Variants in DRD5 observed in about 807,000 individuals in gnomAD.
The protein encoded by DRD5 is D(1B) dopamine receptor.
For missense variants in DRD5, 758 were observed against 657.8 expected, an observed-to-expected ratio of 1.15 and a Z score of -1.67; for synonymous variants, 327 against 277.1, an observed-to-expected ratio of 1.18 and a Z score of -1.79.
In DRD5 at chr4:9,782,826, C is replaced by T; in HGVS notation, c.797C>T (p.Ala266Val). The T allele has an allele frequency of 6.2e-7, 1 of 1,613,380 alleles. No homozygotes were observed. The change falls in exon 1 of 1, where the codon GCA (alanine) becomes GTA (valine). Residue 266 changes from alanine to valine, a missense_variant. By Grantham distance (64) the Ala-to-Val change is moderately conservative. Transcript: ENST00000304374. ...IRRISSLERA[A>V]EHAQSCRSSA... ...AGGATTTCCTCCCTGGAGAGGGCCG[C>T]AGAGCACGCGCAGAGCTGCCGGAGC...
Position 9,783,331 on chromosome 4 carries a change from C to T in DRD5, c.1302C>T (p.Phe434=), listed in dbSNP as rs750699062. 2.5e-6 allele frequency: 4 copies of T among 1,614,228 alleles called. No individual in the cohort carries two copies. The highest frequency in any genetic ancestry group is 2.5e-6 in the Non-Finnish European group (3 of 1,180,048). The change falls in exon 1 of 1, where the codon TTC becomes TTT. Residue 434 remains phenylalanine, a synonymous_variant. Transcript: ENST00000304374. ...ACAACGACGAGGAGGAGGGTCCTTT[C>T]GATCGCATGTTCCAGATCTATCAGA... is the stretch of plus-strand genomic sequence containing the variant. The part of the protein sequence containing the change: ...EVDNDEEEGP[F]DRMFQIYQTS...
In DRD5 at chr4:9,781,877, C is replaced by T. The variant is rs1011465129; in HGVS notation, c.-153C>T. On this transcript the variant is annotated 5_prime_UTR_variant, in exon 1 of 1. Coordinates refer to ENST00000304374, the MANE Select transcript of DRD5 (RefSeq NM_000798.5). The stretch of plus-strand genomic sequence containing the variant: ...AGGCAAGAGAAGTCCCCGCGCGCTC[C>T]GCAGCCCGGCGCAGCTCATGGTGAG... 1 of 627,120 alleles carries T rather than the reference C, an allele frequency of 1.6e-6. No individual in the cohort carries two copies. The highest frequency in any genetic ancestry group is 3.7e-5 in the Admixed American group (1 of 26,768). The allele number at this position is 627,120 out of a possible 1,614,324, so 38.8% of individuals were successfully genotyped here.
rs781347408 is a variant in DRD5, at chr4:9,782,866, G to T, written c.837G>T (p.Ala279=). The change falls in exon 1 of 1, where the codon GCG becomes GCT. Residue 279 remains alanine, a synonymous_variant. Transcript: ENST00000304374. ...GCTGCCGGAGCAGCGCAGCCTGCGC[G>T]CCCGACACCAGCCTGCGCGCTTCCA... ...AQSCRSSAAC[A]PDTSLRASIK... 4 of 1,608,160 alleles carry T rather than the reference G, an allele frequency of 2.5e-6. No homozygotes were observed. The Admixed American group carries it at 6.7e-5, about 27-fold the overall frequency.
In DRD5 at chr4:9,782,835, C is replaced by A. The variant is rs538877978; in HGVS notation, c.806C>A (p.Ala269Glu). ...ISSLERAAEH[A>E]QSCRSSAACA... ...TCCCTGGAGAGGGCCGCAGAGCACG[C>A]GCAGAGCTGCCGGAGCAGCGCAGCC... Residue 269 changes from alanine (A) to glutamate (E), a missense_variant, in exon 1 of 1, where the codon GCG becomes GAG. Physicochemically the swap from Ala to Glu is moderately radical, Grantham distance 107. Transcript: ENST00000304374. The A allele has an allele frequency of 3.1e-6, 5 of 1,612,858 alleles. No homozygotes were observed. Among genetic ancestry groups the A allele is most frequent in the Admixed American group, 1.7e-5 (1 of 59,950 alleles).
Position 9,782,808 on chromosome 4 carries a change from C to G in DRD5, c.779C>G (p.Ser260Cys). 6.2e-7 allele frequency: 1 copy of G among 1,613,812 alleles called. No homozygotes were observed. Among genetic ancestry groups the G allele is most frequent in the Non-Finnish European group, 8.5e-7 (1 of 1,179,748 alleles). ...RIAQVQIRRI[S>C]SLERAAEHAQ... ...GCCCAGGTGCAGATCCGCAGGATTTCCTCCCTGGAGAGGGCCGCAGAGCAC... is the reference window on the plus strand; with the variant it reads ...GCCCAGGTGCAGATCCGCAGGATTTGCTCCCTGGAGAGGGCCGCAGAGCAC... The change falls in exon 1 of 1, where the codon TCC becomes TGC. Residue 260 changes from serine to cysteine, a missense_variant. Coordinates refer to ENST00000304374, the MANE Select transcript of DRD5 (RefSeq NM_000798.5).
At position 9,781,729 on chromosome 4, in the gene DRD5, C is replaced by G. The variant is rs1178987212; in HGVS notation, c.-301C>G. The G allele has an allele frequency of 3.0e-6, 1 of 333,610 alleles. No homozygotes were observed. Among genetic ancestry groups the G allele is most frequent in the East Asian group, 4.6e-5 (1 of 21,534 alleles). The allele number at this position is 333,610 out of a possible 1,614,324, so 20.7% of individuals were successfully genotyped here. On this transcript the variant is annotated 5_prime_UTR_variant, in exon 1 of 1. Transcript: ENST00000304374. The stretch of plus-strand genomic sequence containing the variant: ...GAACCAGACACAGCCGCTGCCGCTG[C>G]CGTCCGGCGCGCTACAGACTCCCGA...
chr4:9,783,174 C>T lies in DRD5; in HGVS notation c.1145C>T (p.Thr382Met), dbSNP rs775864675. 1.5e-5 allele frequency: 25 copies of T among 1,614,218 alleles called. No individual in the cohort carries two copies. The highest frequency in any genetic ancestry group is 2.1e-5 in the Non-Finnish European group (25 of 1,180,044). ...LLGCSHFCSR[T>M]PVETVNISNE... ...GGGTGCAGCCACTTCTGCTCCCGCACGCCGGTGGAGACGGTGAACATCAGC... is the reference window on the plus strand; with the variant it reads ...GGGTGCAGCCACTTCTGCTCCCGCATGCCGGTGGAGACGGTGAACATCAGC... The change falls in exon 1 of 1, where the codon ACG (threonine) becomes ATG (methionine). Residue 382 changes from threonine (T) to methionine (M), a missense_variant. Physicochemically the swap from Thr to Met is moderately conservative, Grantham distance 81 (BLOSUM62 -1). Transcript: ENST00000304374.
At position 9,783,953 on chromosome 4, in the gene DRD5, T is replaced by C. The variant is rs1718873605; in HGVS notation, c.*490T>C. 2 of 170,118 alleles carry C rather than the reference T, an allele frequency of 1.2e-5. No individual in the cohort carries two copies. The highest frequency in any genetic ancestry group is 2.8e-5 in the Non-Finnish European group (2 of 70,192). 10.5% of individuals were successfully genotyped at this position (170,118 alleles called of 1,614,324 possible). On this transcript the variant is annotated 3_prime_UTR_variant, in exon 1 of 1. Transcript: ENST00000304374. ...TGTGCTGGTGGGGGCCTCTTTACCA[T>C]AGCTTAAGAAGTATCCCTGATTTAT...
chr4:9,782,252 A>G lies in DRD5; in HGVS notation c.223A>G (p.Met75Val), dbSNP rs745775968. Residue 75 changes from methionine (M) to valine (V), a missense_variant, in exon 1 of 1, where the codon ATG becomes GTG. Transcript: ENST00000304374. Reference sequence around the variant, plus strand: ...GCGGAGCCGCCACCTGCGCGCCAACATGACCAACGTCTTCATCGTGTCTCT... The same window carrying G: ...GCGGAGCCGCCACCTGCGCGCCAACGTGACCAACGTCTTCATCGTGTCTCT... ...IVRSRHLRANMTNVFIVSLAV... is the reference protein window; with the variant it reads ...IVRSRHLRANVTNVFIVSLAV... The G allele has an allele frequency of 6.8e-6, 11 of 1,613,740 alleles. No individual in the cohort carries two copies. The highest frequency in any genetic ancestry group is 8.5e-6 in the Non-Finnish European group (10 of 1,179,858).
In DRD5 at chr4:9,782,172, C is replaced by A. The variant is rs1296449358; in HGVS notation, c.143C>A (p.Thr48Asn). 6.3e-7 allele frequency: 1 copy of A among 1,598,768 alleles called. No individual in the cohort carries two copies. Among genetic ancestry groups the A allele is most frequent in the Non-Finnish European group, 8.5e-7 (1 of 1,172,118 alleles). The change falls in exon 1 of 1, where the codon ACC becomes AAC. Residue 48 changes from threonine (T) to asparagine (N), a missense_variant. Coordinates refer to ENST00000304374, the MANE Select transcript of DRD5 (RefSeq NM_000798.5). ...CAGGTGGTCACCGCCTGCCTGCTGA[C>A]CCTACTCATCATCTGGACCCTGCTG... Reference protein sequence around the residue: ...PSQVVTACLLTLLIIWTLLGN... With the variant: ...PSQVVTACLLNLLIIWTLLGN...
rs772995460 is a variant in DRD5, at chr4:9,782,846, C to G, written c.817C>G (p.Arg273Gly). ...GGCCGCAGAGCACGCGCAGAGCTGC[C>G]GGAGCAGCGCAGCCTGCGCGCCCGA... is the stretch of plus-strand genomic sequence containing the variant. ...ERAAEHAQSC[R>G]SSAACAPDTS... Residue 273 changes from arginine to glycine, a missense_variant, in exon 1 of 1, where the codon CGG (arginine) becomes GGG (glycine). By Grantham distance (125) the Arg-to-Gly change is moderately radical (BLOSUM62 -2). Transcript: ENST00000304374. The G allele has an allele frequency of 1.2e-6, 2 of 1,611,848 alleles. No individual in the cohort carries two copies. Among genetic ancestry groups the G allele is most frequent in the South Asian group, 1.1e-5 (1 of 90,998 alleles).
At position 9,782,492 on chromosome 4, in the gene DRD5, C is replaced by T; in HGVS notation, c.463C>T (p.Arg155Cys). The change falls in exon 1 of 1, where the codon CGC becomes TGC. Residue 155 changes from arginine to cysteine, a missense_variant. Transcript: ENST00000304374. Reference sequence around the variant, plus strand: ...CCGCTACAAGCGCAAGATGACTCAGCGCATGGCCTTGGTCATGGTCGGCCT... The same window carrying T: ...CCGCTACAAGCGCAAGATGACTCAGTGCATGGCCTTGGTCATGGTCGGCCT... ...PFRYKRKMTQ[R>C]MALVMVGLAW... The T allele has an allele frequency of 5.6e-6, 9 of 1,613,988 alleles. No individual in the cohort carries two copies. Among genetic ancestry groups the T allele is most frequent in the South Asian group, 1.1e-5 (1 of 91,074 alleles).
At position 9,781,853 on chromosome 4, in the gene DRD5, G is replaced by A. The variant is rs1718439926; in HGVS notation, c.-177G>A. On this transcript the variant is annotated 5_prime_UTR_variant, in exon 1 of 1. Coordinates refer to ENST00000304374, the MANE Select transcript of DRD5 (RefSeq NM_000798.5). ...CCATGGAGCCAGAGGCGCTTCAGGA[G>A]GCAAGAGAAGTCCCCGCGCGCTCCG... 1.2e-5 allele frequency: 6 copies of A among 509,180 alleles called. No homozygotes were observed. The highest frequency in any genetic ancestry group is 1.6e-5 in the Non-Finnish European group (5 of 303,560). The allele number at this position is 509,180 out of a possible 1,614,324, so 31.5% of individuals were successfully genotyped here. A position where few individuals can be genotyped will look rare whatever the true frequency, so the allele number is the denominator to read the frequency against.
At position 9,782,724 on chromosome 4, in the gene DRD5, T is replaced by C. The variant is rs1718634976; in HGVS notation, c.695T>C (p.Ile232Thr). The change falls in exon 1 of 1, where the codon ATC becomes ACC. Residue 232 changes from isoleucine to threonine, a missense_variant. Ile to Thr is a moderately conservative substitution (Grantham distance 89). Transcript: ENST00000304374. ...ACCTACGCCATCTCTTCCTCGCTCATCAGCTTCTACATCCCCGTTGCCATC... is the reference window on the plus strand; with the variant it reads ...ACCTACGCCATCTCTTCCTCGCTCACCAGCTTCTACATCCCCGTTGCCATC... Reference protein sequence around the residue: ...NRTYAISSSLISFYIPVAIMI... With the variant: ...NRTYAISSSLTSFYIPVAIMI... 1 of 1,614,006 alleles carries C rather than the reference T, an allele frequency of 6.2e-7. No individual in the cohort carries two copies. Among genetic ancestry groups the C allele is most frequent in the Non-Finnish European group, 8.5e-7 (1 of 1,179,860 alleles).
At position 9,782,437 on chromosome 4, in the gene DRD5, G is replaced by T; in HGVS notation, c.408G>T (p.Val136=). 1 of 1,614,022 alleles carries T rather than the reference G, an allele frequency of 6.2e-7. No individual in the cohort carries two copies. Among genetic ancestry groups the T allele is most frequent in the Non-Finnish European group, 8.5e-7 (1 of 1,179,864 alleles). ...TCCTGAACCTGTGCGTCATCAGCGT[G>T]GACCGCTACTGGGCCATCTCCAGGC... ...ASILNLCVIS[V]DRYWAISRPF... is the part of the protein sequence containing the mutation. The change falls in exon 1 of 1, where the codon GTG becomes GTT. Residue 136 remains valine, a synonymous_variant. Coordinates refer to ENST00000304374, the MANE Select transcript of DRD5 (RefSeq NM_000798.5).
At position 9,782,026 on chromosome 4, in the gene DRD5, C is replaced by T. The variant is rs368348754; in HGVS notation, c.-4C>T. The T allele has an allele frequency of 4.0e-5, 59 of 1,459,540 alleles. No individual in the cohort carries two copies. Among genetic ancestry groups the T allele is most frequent in the South Asian group, 3.3e-4 (23 of 69,584 alleles). The allele number at this position is 1,459,540 out of a possible 1,614,324, so 90.4% of individuals were successfully genotyped here. A position where few individuals can be genotyped will look rare whatever the true frequency, so the allele number is the denominator to read the frequency against. On this transcript the variant is annotated 5_prime_UTR_variant, in exon 1 of 1. Coordinates refer to ENST00000304374, the MANE Select transcript of DRD5 (RefSeq NM_000798.5). ...CACAGACCGCCCCTGCAGTCCAGCC[C>T]GAAATGCTGCCGCCAGGCAGCAACG...
In DRD5 at chr4:9,782,719, G is replaced by A. The variant is rs751508044; in HGVS notation, c.690G>A (p.Ser230=). The change falls in exon 1 of 1, where the codon TCG becomes TCA. Residue 230 remains serine (S), a synonymous_variant. Coordinates refer to ENST00000304374, the MANE Select transcript of DRD5 (RefSeq NM_000798.5). ...ATCGAACCTACGCCATCTCTTCCTC[G>A]CTCATCAGCTTCTACATCCCCGTTG... ...SLNRTYAISS[S]LISFYIPVAI... The A allele has an allele frequency of 6.2e-7, 1 of 1,613,970 alleles. No homozygotes were observed. The highest frequency in any genetic ancestry group is 1.3e-5 in the African/African-American group (1 of 75,032).
At position 9,781,683 on chromosome 4, in the gene DRD5, C is replaced by T. The variant is rs1055014617; in HGVS notation, c.-347C>T. On this transcript the variant is annotated 5_prime_UTR_variant, in exon 1 of 1. Coordinates refer to ENST00000304374, the MANE Select transcript of DRD5 (RefSeq NM_000798.5). Reference sequence around the variant, plus strand: ...GCCTGCCCCAGCCCCTCAGTGGCGGCTTGCTCTCTTCTCTCGCTCCGAACC... The same window carrying T: ...GCCTGCCCCAGCCCCTCAGTGGCGGTTTGCTCTCTTCTCTCGCTCCGAACC... 4.4e-6 allele frequency: 1 copy of T among 227,790 alleles called. No homozygotes were observed. The highest frequency in any genetic ancestry group is 2.3e-5 in the African/African-American group (1 of 44,432). 14.1% of individuals were successfully genotyped at this position (227,790 alleles called of 1,614,324 possible). A position where few individuals can be genotyped will look rare whatever the true frequency, so the allele number is the denominator to read the frequency against.
At position 9,783,568 on chromosome 4, in the gene DRD5, T is replaced by C; in HGVS notation, c.*105T>C. The C allele has an allele frequency of 9.2e-7, 1 of 1,083,294 alleles. No homozygotes were observed. The highest frequency in any genetic ancestry group is 2.6e-5 in the East Asian group (1 of 38,856). The allele number at this position is 1,083,294 out of a possible 1,614,324, so 67.1% of individuals were successfully genotyped here. A position where few individuals can be genotyped will look rare whatever the true frequency, so the allele number is the denominator to read the frequency against. On this transcript the variant is annotated 3_prime_UTR_variant, in exon 1 of 1. Coordinates refer to ENST00000304374, the MANE Select transcript of DRD5 (RefSeq NM_000798.5). The stretch of plus-strand genomic sequence containing the variant: ...CTTTCCAGTGCTGCTCCCTTTATCA[T>C]GTGTTTCTGTGTAGTAGCTCGTGTG...
Sources: allele counts gnomAD v4.1 joint callset, GRCh38; gene constraint gnomAD v4.1.1; transcripts MANE v1.5; gene names NCBI Gene and HGNC (gene_info 2026-07-23, HGNC 2026-07-21).